The following CACNA2D2 variants were observed in gnomAD, a reference collection of about 807,000 sequenced individuals.
CACNA2D2 encodes voltage-dependent calcium channel subunit alpha-2/delta-2.
A neutral mutation model predicts 166.4 loss-of-function variants in CACNA2D2; 48 were observed. The ratio of observed to expected loss-of-function variants is 0.29; its 90% CI spans 0.23 to 0.37. CACNA2D2 has a LOEUF of 0.37. CACNA2D2 is among the 10% of genes least tolerant of loss of function. CACNA2D2 has a pLI of 1.00. For synonymous variants in CACNA2D2, 561 were observed against 573.7 expected (o/e 0.98, Z 0.32); for missense variants, 1,122 against 1,433.0 (o/e 0.78, Z 3.50).
intron 3 of CACNA2D2, among the ~76,000 whole-genome samples, chr3:50,411,601 C>T (rs752253642): frequency 6.6e-6 from 1 of 152,214 alleles, no homozygotes; most frequent in Non-Finnish European, 1.5e-5. Context: ...CTGTCACAAT[C>T]ATAGGGGCAC....
intron 2 of CACNA2D2, among the ~76,000 whole-genome samples, chr3:50,440,939 G>A (rs1708561498): frequency 6.6e-6 from 1 of 152,154 alleles, no homozygotes; most frequent in South Asian, 2.1e-4. Context: ...CTGAAAGGCT[G>A]GGCAGGGGTT....
At chr3:50,466,273 T>C (rs1263454628) in intron 2 of CACNA2D2, among the ~76,000 whole-genome samples, 1 of 80,728 alleles carries the variant, frequency 1.2e-5, no homozygotes, top group Admixed American at 1.7e-4. Context: ...TGTGTGCGCA[T>C]GTGTGTGTGT....
chr3:50,453,779 G>A (rs1156701294), intron 2 of CACNA2D2, among the ~76,000 whole-genome samples: 1 of 152,176 alleles, frequency 6.6e-6, no homozygotes, highest in African/African-American at 2.4e-5. Context: ...TGTCTTGAGG[G>A]CTTCAGACAG....
At chr3:50,487,673 C>T (rs1698347796) in intron 1 of CACNA2D2, among the ~76,000 whole-genome samples, 1 of 152,172 alleles carries the variant, frequency 6.6e-6, no homozygotes. Flanking sequence ...CCCAGCTACC[C>T]CACCTTTCTA....
intron 22 of CACNA2D2, among the ~76,000 whole-genome samples, chr3:50,372,171 C>T (rs1352990874): frequency 6.6e-6 from 1 of 152,160 alleles, no homozygotes; most frequent in Non-Finnish European, 1.5e-5. Flanking sequence ...GGTTCACTAC[C>T]CACTCTTCCA....
Position 50,367,383 on chromosome 3 carries a change from G to A in CACNA2D2, c.2401+11C>T. On this transcript the variant is annotated intron_variant, in intron 27 of 37. Coordinates refer to ENST00000424201, the MANE Select transcript of CACNA2D2 (RefSeq NM_006030.4). The surrounding 1 kb of genome is among the most constrained non-coding windows in gnomAD (Gnocchi z 6.5). Reference sequence around the variant, plus strand: ...CCTGCCTGCTGCTGGGCACACTGCGGGGACACTCACCATCCTGGTGTGGGG... The same window carrying A: ...CCTGCCTGCTGCTGGGCACACTGCGAGGACACTCACCATCCTGGTGTGGGG... The A allele has an allele frequency of 6.2e-7, 1 of 1,611,530 alleles. No individual in the cohort carries two copies. Among genetic ancestry groups the A allele is most frequent in the Non-Finnish European group, 8.5e-7 (1 of 1,178,060 alleles).
At chr3:50,385,100 T>A (rs918993490) in intron 5 of CACNA2D2, among the ~76,000 whole-genome samples, 1 of 152,086 alleles carries the variant, frequency 6.6e-6, no homozygotes. Context: ...CCGCCCACCA[T>A]CACAGGCTGG....
intron 3 of CACNA2D2, among the ~76,000 whole-genome samples, chr3:50,411,645 G>A (rs1278147244): frequency 6.6e-6 from 1 of 152,226 alleles, no homozygotes; most frequent in Non-Finnish European, 1.5e-5. Flanking sequence ...TTTTCAGAAG[G>A]AGGAAGCTCA....
In CACNA2D2 at chr3:50,367,385, G is replaced by T; in HGVS notation, c.2401+9C>A. On this transcript the variant is annotated intron_variant, in intron 27 of 37. Transcript: ENST00000424201. This position sits in a 1 kb window ranked among gnomAD's most constrained non-coding sequence, Gnocchi z 6.5. ...TGCCTGCTGCTGGGCACACTGCGGGGACACTCACCATCCTGGTGTGGGGGC... is the reference window on the plus strand; with the variant it reads ...TGCCTGCTGCTGGGCACACTGCGGGTACACTCACCATCCTGGTGTGGGGGC... 1 of 1,611,414 alleles carries T rather than the reference G, an allele frequency of 6.2e-7. No individual in the cohort carries two copies. The highest frequency in any genetic ancestry group is 8.5e-7 in the Non-Finnish European group (1 of 1,177,998).
chr3:50,377,606 G>A, intron 16 of CACNA2D2, 65 bp from the exon 17 acceptor site: 5 of 1,576,726 alleles, frequency 3.2e-6, no homozygotes, highest in Non-Finnish European at 4.4e-6. Flanking sequence ...CCCTCCACAA[G>A]GCCTCAAGCT....
chr3:50,365,991 A>G lies in CACNA2D2; in HGVS notation c.2862+20T>C, dbSNP rs1704250606. ...TCCCAGTCCCCCCCATCTCCAGTCC[A>G]GGCATCTCTGGGGACTCACCACAAA... is the stretch of plus-strand genomic sequence containing the variant. On this transcript the variant is annotated intron_variant, in intron 32 of 37. Transcript: ENST00000424201. This position sits in a 1 kb window ranked among gnomAD's most constrained non-coding sequence, Gnocchi z 4.5. 1 of 1,611,280 alleles carries G rather than the reference A, an allele frequency of 6.2e-7. No individual in the cohort carries two copies. Among genetic ancestry groups the G allele is most frequent in the Non-Finnish European group, 8.5e-7 (1 of 1,178,850 alleles).
In CACNA2D2 at chr3:50,366,181, A is replaced by G; in HGVS notation, c.2710-18T>C. On this transcript the variant is annotated intron_variant, in intron 31 of 37. Transcript: ENST00000424201. This position sits in a 1 kb window ranked among gnomAD's most constrained non-coding sequence, Gnocchi z 5.9. The stretch of plus-strand genomic sequence containing the variant: ...CTGCCCACCTGAGGATGTCAGGAGA[A>G]AGCCATGGTCACAGGGCTGGCAGTG... The G allele has an allele frequency of 6.2e-7, 1 of 1,613,908 alleles. No homozygotes were observed. Among genetic ancestry groups the G allele is most frequent in the Non-Finnish European group, 8.5e-7 (1 of 1,179,924 alleles).
chr3:50,397,434 A>C (rs1706219279), intron 3 of CACNA2D2, among the ~76,000 whole-genome samples: 2 of 152,098 alleles, frequency 1.3e-5, no homozygotes, highest in Non-Finnish European at 2.9e-5. Context: ...AGGTCCCATC[A>C]GGCCTGAGGA....
intron 4 of CACNA2D2, among the ~76,000 whole-genome samples, chr3:50,390,815 G>A (rs1176632908): frequency 6.6e-6 from 1 of 152,212 alleles, no homozygotes; most frequent in African/African-American, 2.4e-5. Flanking sequence ...GAGGAAATGA[G>A]CACGGGGTGA....
At chr3:50,502,643 G>A (rs1045474769) in intron 1 of CACNA2D2, among the ~76,000 whole-genome samples, 11 of 152,336 alleles carry the variant, frequency 7.2e-5, no homozygotes, top group African/African-American at 2.6e-4. Flanking sequence ...CTCTCCTCAG[G>A]TGGAGGGGGG....
chr3:50,377,577 T>C (rs1422754591), intron 16 of CACNA2D2, 36 bp from the exon 17 acceptor site: 1 of 1,604,026 alleles, frequency 6.2e-7, no homozygotes, highest in Admixed American at 1.7e-5. Flanking sequence ...CTCAGTGAGC[T>C]CAATTCCATG....
At chr3:50,418,510 C>T (rs1031298233) in intron 3 of CACNA2D2, among the ~76,000 whole-genome samples, 4 of 152,246 alleles carry the variant, frequency 2.6e-5, no homozygotes. Flanking sequence ...GCCCACTCAA[C>T]TCCTTGGGGA....
At chr3:50,419,612 G>A (rs535246511) in intron 3 of CACNA2D2, among the ~76,000 whole-genome samples, 1 of 152,258 alleles carries the variant, frequency 6.6e-6, no homozygotes, top group East Asian at 1.9e-4. Context: ...GGAAAGTCGG[G>A]GCCCCTTCTA....
At chr3:50,386,692 C>G (rs1176091512) in intron 5 of CACNA2D2, among the ~76,000 whole-genome samples, 1 of 152,160 alleles carries the variant, frequency 6.6e-6, no homozygotes, top group Non-Finnish European at 1.5e-5. Flanking sequence ...TCTCACTTGC[C>G]CCAGGAAACC....
Sources: allele counts gnomAD v4.1 joint callset (sites outside exome capture counted in the v4.1 genomes callset), GRCh38; gene constraint gnomAD v4.1.1; non-coding constraint Gnocchi (gnomAD v3.1); transcripts MANE v1.5; gene names NCBI Gene and HGNC (gene_info 2026-07-23, HGNC 2026-07-21).